Variants in RAP1GAP2 observed in about 807,000 individuals in gnomAD.
The protein encoded by RAP1GAP2 is rap1 GTPase-activating protein 2.
In RAP1GAP2, 27 loss-of-function variants were observed where a neutral mutation model predicts 95.0. The ratio of observed to expected loss-of-function variants is 0.28; its 90% CI spans 0.21 to 0.39. The LOEUF (loss-of-function observed/expected upper bound fraction) is 0.39. Ranked by LOEUF, RAP1GAP2 falls within the 10% of genes least tolerant of loss-of-function variation. RAP1GAP2 has a pLI of 1.00. For synonymous variants in RAP1GAP2, 373 were observed against 380.9 expected (o/e 0.98, Z 0.24); for missense variants, 771 against 970.0 (o/e 0.79, Z 2.72).
chr17:2,850,873 C>T (rs1296870001), intron 2 of RAP1GAP2, among the ~76,000 whole-genome samples: 1 of 151,266 alleles, frequency 6.6e-6, no homozygotes, highest in East Asian at 1.9e-4. Flanking sequence ...TCAGCCTGGC[C>T]AACATGGCGA....
Position 2,871,076 on chromosome 17 carries a change from T to C in RAP1GAP2, c.81-34208T>C, listed in dbSNP as rs4060863. On this transcript the variant is annotated intron_variant, in intron 2 of 24. Transcript: ENST00000254695. This position sits in a 1 kb window ranked among gnomAD's most constrained non-coding sequence, Gnocchi z 5.0. ...GTTCAAGTGATTCTCCTGCCTCTGC[T>C]TCCCAAGTAGCTGGAATTCCAGGCA... Among the ~76,000 whole-genome samples, 2,585 of 152,276 alleles carry C rather than the reference T, an allele frequency of 0.017. 80 individuals are homozygous for C. The highest frequency in any genetic ancestry group is 0.058 in the African/African-American group (2,401 of 41,540).
chr17:2,963,499 C>G lies in RAP1GAP2; in HGVS notation c.279+37C>G. 2 of 1,613,212 alleles carry G rather than the reference C, an allele frequency of 1.2e-6. No individual in the cohort carries two copies. The highest frequency in any genetic ancestry group is 1.3e-5 in the African/African-American group (1 of 75,030). The stretch of plus-strand genomic sequence containing the variant: ...CCCCTCACTCCCACCTGCCCTGCAG[C>G]CTGCTCTGGGTCCCGTCCCTGGGGA... On this transcript the variant is annotated intron_variant, in intron 6 of 24. Transcript: ENST00000254695. This position sits in a 1 kb window ranked among gnomAD's most constrained non-coding sequence, Gnocchi z 4.8.
intron 2 of RAP1GAP2, among the ~76,000 whole-genome samples, chr17:2,841,977 T>C (rs1386139794): frequency 1.3e-5 from 2 of 152,144 alleles, no homozygotes; most frequent in Non-Finnish European, 2.9e-5. Flanking sequence ...CCTGTGCAAC[T>C]GGCCCTGTGG....
chr17:2,995,830 C>T (rs1438644918), intron 13 of RAP1GAP2, among the ~76,000 whole-genome samples: 4 of 152,184 alleles, frequency 2.6e-5, no homozygotes, highest in Admixed American at 1.3e-4. Flanking sequence ...CCTGGGGGCC[C>T]TGGTCATAGA....
At chr17:2,819,596 C>T (rs1273955084) in intron 2 of RAP1GAP2, among the ~76,000 whole-genome samples, 2 of 151,946 alleles carry the variant, frequency 1.3e-5, no homozygotes, top group East Asian at 3.9e-4. Context: ...GCCTCAGCCT[C>T]CTGGGTAGCT....
At chr17:2,999,031 A>G (rs1472601802) in intron 14 of RAP1GAP2, among the ~76,000 whole-genome samples, 1 of 152,158 alleles carries the variant, frequency 6.6e-6, no homozygotes, top group Admixed American at 6.6e-5. Flanking sequence ...TGGACAAATG[A>G]TGGATCTTAA....
chr17:2,891,866 C>T (rs1188897875), intron 2 of RAP1GAP2, among the ~76,000 whole-genome samples: 5 of 135,836 alleles, frequency 3.7e-5, no homozygotes. Flanking sequence ...TCTCGTCTCC[C>T]AGGCTGGAGT....
intron 2 of RAP1GAP2, among the ~76,000 whole-genome samples, chr17:2,830,084 T>C (rs925624436): frequency 5.3e-5 from 8 of 152,190 alleles, no homozygotes; most frequent in African/African-American, 1.9e-4. Context: ...TATTGTTGAA[T>C]GTAAGTAAGA....
intron 2 of RAP1GAP2, among the ~76,000 whole-genome samples, chr17:2,838,071 T>A (rs890984800): frequency 1.5e-5 from 2 of 130,734 alleles, no homozygotes; most frequent in African/African-American, 6.1e-5. Flanking sequence ...CAGGCTGGAG[T>A]GCGGTGGTGC....
At chr17:2,858,068 C>G (rs1383908670) in intron 2 of RAP1GAP2, among the ~76,000 whole-genome samples, 4 of 152,140 alleles carry the variant, frequency 2.6e-5, no homozygotes, top group Non-Finnish European at 4.4e-5. Context: ...CCACTGCACT[C>G]TAGCCTGGGC....
At chr17:2,960,139 A>AAAAAAAC (rs1293694663) in intron 4 of RAP1GAP2, among the ~76,000 whole-genome samples, 1 of 151,392 alleles carries the variant, frequency 6.6e-6, no homozygotes, top group African/African-American at 2.4e-5. Flanking sequence ...AAAAAAAAAA[A>AAAAAAAC]AACAACAAAA....
chr17:2,946,087 G>A (rs1021092518), intron 3 of RAP1GAP2, among the ~76,000 whole-genome samples: 4 of 152,066 alleles, frequency 2.6e-5, no homozygotes, highest in Non-Finnish European at 5.9e-5. Context: ...CACCGTGCCC[G>A]GCCTATTACA....
At chr17:2,794,106 A>T (rs974933924), upstream of RAP1GAP2, among the ~76,000 whole-genome samples, 8 of 151,526 alleles carry the variant, frequency 5.3e-5, no homozygotes, top group South Asian at 1.7e-3. Flanking sequence ...AAAAAAAAAA[A>T]AGACATGATC....
At chr17:2,924,189 A>G (rs1284065556) in intron 3 of RAP1GAP2, among the ~76,000 whole-genome samples, 1 of 152,126 alleles carries the variant, frequency 6.6e-6, no homozygotes, top group Admixed American at 6.5e-5. Context: ...TTTGGAGGAG[A>G]GAGGGTGCAG....
intron 3 of RAP1GAP2, among the ~76,000 whole-genome samples, chr17:2,957,529 C>T (rs564583663): frequency 4.6e-5 from 7 of 152,352 alleles, no homozygotes; most frequent in African/African-American, 1.7e-4. Context: ...TCCCCCAGCA[C>T]CATTCATTTG....
rs1232428538 is a variant in RAP1GAP2, at chr17:2,995,372, CAG to C, written c.951_952del (p.Val319GlyfsTer39). 7 of 1,613,718 alleles carry C rather than the reference CAG, an allele frequency of 4.3e-6. No homozygotes were observed. Among genetic ancestry groups the C allele is most frequent in the South Asian group, 2.2e-5 (2 of 91,088 alleles). On this transcript the variant is annotated frameshift_variant, in exon 13 of 25. Transcript: ENST00000254695. LOFTEE classifies it high-confidence loss of function. The stretch of plus-strand genomic sequence containing the variant: ...GGCCTGGACGTGACCCACGGACAGA[CAG>C]GGGTGGAATCAGTGTACACAACATT...
At position 3,006,046 on chromosome 17, in the gene RAP1GAP2, G is replaced by C. The variant is rs1391580286; in HGVS notation, c.1359+5G>C. On this transcript the variant is annotated splice_donor_5th_base_variant and intron_variant, in intron 16 of 24. Coordinates refer to ENST00000254695, the MANE Select transcript of RAP1GAP2 (RefSeq NM_015085.5). Reference sequence around the variant, plus strand: ...GACAAGTTTGCAAAGCTGGAGGTGAGAGTGTGGTTTCTGAAGGTCTCCCTC... The same window carrying C: ...GACAAGTTTGCAAAGCTGGAGGTGACAGTGTGGTTTCTGAAGGTCTCCCTC... 1.9e-6 allele frequency: 3 copies of C among 1,595,734 alleles called. No individual in the cohort carries two copies. The highest frequency in any genetic ancestry group is 2.6e-6 in the Non-Finnish European group (3 of 1,168,592).
chr17:2,876,690 G>C (rs190400190), intron 2 of RAP1GAP2, among the ~76,000 whole-genome samples: 1 of 152,016 alleles, frequency 6.6e-6, no homozygotes, highest in African/African-American at 2.4e-5. Context: ...TGAGTCTTTA[G>C]GTCCCTGTGC....
upstream of RAP1GAP2, among the ~76,000 whole-genome samples, chr17:2,775,447 A>C (rs965208072): frequency 1.3e-5 from 2 of 151,728 alleles, no homozygotes; most frequent in African/African-American, 4.8e-5. Context: ...AGGGGCGACC[A>C]CATAAAGAAG....
Sources: gnomAD v4.1 joint callset for allele counts (sites outside exome capture counted in the v4.1 genomes callset) on GRCh38, gnomAD v4.1.1 for gene constraint, Gnocchi (gnomAD v3.1) non-coding constraint, MANE v1.5 for transcripts, NCBI Gene and HGNC (gene_info 2026-07-23, HGNC 2026-07-21) for gene names.